Variants in RAD51 observed in about 807,000 individuals in gnomAD.
RAD51 encodes DNA repair protein RAD51 homolog 1.
A neutral mutation model predicts 41.5 loss-of-function variants in RAD51; 14 were observed. The ratio of observed to expected loss-of-function variants is 0.34; its 90% CI spans 0.22 to 0.53. The LOEUF (loss-of-function observed/expected upper bound fraction) is 0.53. Ranked by LOEUF, RAD51 falls within the 20% of genes least tolerant of loss-of-function variation. RAD51 has a pLI of 0.95. For synonymous variants in RAD51, 136 were observed against 148.6 expected (o/e 0.92, Z 0.62); for missense variants, 234 against 422.0 (o/e 0.55, Z 3.90).
At position 40,701,055 on chromosome 15, in the gene RAD51, C is replaced by T; in HGVS notation, c.88-9C>T. On this transcript the variant is annotated splice_polypyrimidine_tract_variant and intron_variant, in intron 2 of 9. Coordinates refer to ENST00000267868, the MANE Select transcript of RAD51 (RefSeq NM_002875.5). ...GCTTAAATTTATCCATGGTTTTCTT[C>T]ATTTGCAGCAGTGTGGCATAAATGC... is the stretch of plus-strand genomic sequence containing the variant. 1 of 1,613,566 alleles carries T rather than the reference C, an allele frequency of 6.2e-7. No individual in the cohort carries two copies. Among genetic ancestry groups the T allele is most frequent in the Non-Finnish European group, 8.5e-7 (1 of 1,179,726 alleles).
rs1894810858 is a variant in RAD51, at chr15:40,698,778, T to C, written c.20T>C (p.Leu7Pro). The C allele has an allele frequency of 1.9e-6, 3 of 1,614,044 alleles. No individual in the cohort carries two copies. Among genetic ancestry groups the C allele is most frequent in the Non-Finnish European group, 2.5e-6 (3 of 1,180,004 alleles). Residue 7 changes from leucine (L) to proline (P), a missense_variant, in exon 2 of 10, where the codon CTT becomes CCT. Coordinates refer to ENST00000267868, the MANE Select transcript of RAD51 (RefSeq NM_002875.5). The stretch of plus-strand genomic sequence containing the variant: ...TCAGTAATGGCAATGCAGATGCAGC[T>C]TGAAGCAAATGCAGATACTTCAGTG... MAMQMQLEANADTSVEE... is the reference protein window; with the variant it reads MAMQMQPEANADTSVEE...
chr15:40,726,195 C>G (rs994163184), intron 6 of RAD51, among the ~76,000 whole-genome samples: 2 of 151,652 alleles, frequency 1.3e-5, no homozygotes, highest in Non-Finnish European at 2.9e-5. Context: ...GATTACCAGG[C>G]TCTTCCCTGA....
chr15:40,731,972 A>C lies in RAD51; in HGVS notation c.*794A>C, dbSNP rs547065959. 1.4e-5 allele frequency: 3 copies of C among 208,612 alleles called. No individual in the cohort carries two copies. The South Asian group carries it at 5.6e-4, about 39-fold the overall frequency. 12.9% of individuals were successfully genotyped at this position (208,612 alleles called of 1,614,324 possible). ...GTTACACGTGCCTGTAGTCCCAGCT[A>C]CTCGATAGCCTGAGGTGGGAGAATC... On this transcript the variant is annotated 3_prime_UTR_variant, in exon 10 of 10. Transcript: ENST00000267868.
At chr15:40,696,678 G>T (rs995273246) in intron 1 of RAD51, among the ~76,000 whole-genome samples, 68 of 152,280 alleles carry the variant, frequency 4.5e-4, no homozygotes, top group African/African-American at 1.6e-3. Context: ...GGTTTCTAAT[G>T]AGATGAACTA....
intron 5 of RAD51, among the ~76,000 whole-genome samples, chr15:40,715,144 T>G (rs1169129788): frequency 1.3e-5 from 2 of 152,116 alleles, no homozygotes; most frequent in Non-Finnish European, 2.9e-5. Flanking sequence ...GATCACAAGG[T>G]CAGGAGTTCA....
chr15:40,707,176 T>TTTTTTTTTTTG (rs1895401618), intron 4 of RAD51, among the ~76,000 whole-genome samples: 1 of 147,122 alleles, frequency 6.8e-6, no homozygotes, highest in Non-Finnish European at 1.5e-5. Context: ...TTTTTTTTTT[T>TTTTTTTTTTTG]GAGTCGGGGC....
intron 5 of RAD51, among the ~76,000 whole-genome samples, chr15:40,715,189 C>G (rs919889494): frequency 2.6e-5 from 4 of 152,044 alleles, no homozygotes; most frequent in African/African-American, 9.7e-5. Flanking sequence ...AACCCTGTCT[C>G]TACTAAAAAT....
intron 5 of RAD51, among the ~76,000 whole-genome samples, chr15:40,713,851 C>G (rs1405019124): frequency 1.3e-5 from 2 of 151,970 alleles, no homozygotes; most frequent in Non-Finnish European, 2.9e-5. Context: ...TGTGATCCGC[C>G]CACCTTGGTC....
chr15:40,729,080 A>G (rs2141880878), intron 7 of RAD51, among the ~76,000 whole-genome samples: 1 of 152,272 alleles, frequency 6.6e-6, no homozygotes, highest in Middle Eastern at 3.4e-3. Context: ...TTAATAAAAC[A>G]TCTATATACA....
At chr15:40,714,608 G>A (rs187787248) in intron 5 of RAD51, among the ~76,000 whole-genome samples, 7 of 152,224 alleles carry the variant, frequency 4.6e-5, no homozygotes, top group African/African-American at 1.4e-4. Context: ...TATATAGATC[G>A]TTGACTTTTT....
At chr15:40,729,458 C>A (rs755576028) in intron 7 of RAD51, 47 bp from the exon 8 acceptor site, 2 of 1,566,244 alleles carry the variant, frequency 1.3e-6, no homozygotes, top group Admixed American at 3.4e-5. Context: ...GGACCAGAAT[C>A]TGACACAGGC....
intron 3 of RAD51, among the ~76,000 whole-genome samples, chr15:40,705,581 C>T (rs140405664): frequency 1.2e-4 from 18 of 152,176 alleles, no homozygotes; most frequent in Non-Finnish European, 1.5e-4. Flanking sequence ...CACATATGTA[C>T]GGATCTCTAA....
intron 5 of RAD51, among the ~76,000 whole-genome samples, chr15:40,710,377 C>T (rs1895639052): frequency 6.6e-6 from 1 of 151,074 alleles, no homozygotes; most frequent in African/African-American, 2.4e-5. Context: ...TGGCACGTGC[C>T]TGTAATCCCA....
At chr15:40,724,841 G>C (rs1036785054) in intron 6 of RAD51, among the ~76,000 whole-genome samples, 1 of 144,608 alleles carries the variant, frequency 6.9e-6, no homozygotes, top group Non-Finnish European at 1.5e-5. Flanking sequence ...ACCACACCCG[G>C]CTAATTTTTT....
At chr15:40,712,169 T>G (rs1205369163) in intron 5 of RAD51, among the ~76,000 whole-genome samples, 2 of 151,900 alleles carry the variant, frequency 1.3e-5, no homozygotes, top group African/African-American at 4.8e-5. Context: ...GTCAGGAAAC[T>G]AAGATAGTGA....
intron 5 of RAD51, among the ~76,000 whole-genome samples, chr15:40,718,002 C>T (rs779649513): frequency 7.9e-5 from 12 of 152,104 alleles, no homozygotes; most frequent in Admixed American, 1.3e-4. Flanking sequence ...GAGGCCGAGG[C>T]GGGCAGATCA....
At chr15:40,727,040 A>T (rs1337209311) in intron 6 of RAD51, among the ~76,000 whole-genome samples, 1 of 152,132 alleles carries the variant, frequency 6.6e-6, no homozygotes, top group Non-Finnish European at 1.5e-5. Flanking sequence ...CGCTGAGAGA[A>T]AAGCTAGGAT....
intron 5 of RAD51, among the ~76,000 whole-genome samples, chr15:40,710,241 C>CAAA (rs71104728): frequency 0.015 from 642 of 44,242 alleles, no homozygotes; most frequent in Middle Eastern, 0.033. Context: ...GACTCTGTCT[C>CAAA]AAAAAAAAAA....
chr15:40,698,199 T>C (rs1045843403), intron 1 of RAD51, among the ~76,000 whole-genome samples: 1 of 151,812 alleles, frequency 6.6e-6, no homozygotes, highest in Non-Finnish European at 1.5e-5. Context: ...TTTTTTTGTT[T>C]TTTTTTTTGA....
Sources: allele counts gnomAD v4.1 joint callset (sites outside exome capture counted in the v4.1 genomes callset), GRCh38; gene constraint gnomAD v4.1.1; transcripts MANE v1.5; gene names NCBI Gene and HGNC (gene_info 2026-07-23, HGNC 2026-07-21).